FGGY: variants seen among roughly 807,000 people sequenced by gnomAD.
The protein encoded by FGGY is FGGY carbohydrate kinase domain-containing protein.
Under a neutral mutation model 71.3 loss-of-function variants are expected in FGGY, and 72 were observed. That is an observed-to-expected ratio of 1.01 (90% CI 0.84 to 1.23). FGGY has a LOEUF of 1.23. Among genes scored for constraint, FGGY ranks in the 50% most tolerant of loss-of-function variants. FGGY has a pLI of 0.00. For synonymous variants in FGGY, 251 were observed against 250.3 expected, an observed-to-expected ratio of 1.00 and a Z score of -0.02; for missense variants, 668 against 682.3, an observed-to-expected ratio of 0.98 and a Z score of 0.23.
At chr1:59,603,543 A>G (rs142342824) in intron 8 of FGGY, among the ~76,000 whole-genome samples, 6 of 152,358 alleles carry the variant, frequency 3.9e-5, no homozygotes, top group African/African-American at 9.6e-5. Context: ...AATCTTTACA[A>G]AAGTCCCCCA....
intron 7 of FGGY, among the ~76,000 whole-genome samples, chr1:59,553,402 T>C (rs938047524): frequency 6.6e-6 from 1 of 152,196 alleles, no homozygotes; most frequent in Non-Finnish European, 1.5e-5. Context: ...TCTTGTCATA[T>C]TTATAACTTT....
intron 14 of FGGY, among the ~76,000 whole-genome samples, chr1:59,676,256 G>T (rs190749949): frequency 1.1e-3 from 171 of 152,146 alleles, no homozygotes; most frequent in African/African-American, 3.9e-3. Flanking sequence ...TAAGTAATTT[G>T]TCCAAGGCTA....
At chr1:59,712,384 A>G (rs981940141) in intron 14 of FGGY, among the ~76,000 whole-genome samples, 2 of 152,086 alleles carry the variant, frequency 1.3e-5, no homozygotes, top group Non-Finnish European at 2.9e-5. Context: ...CAGTGGATCT[A>G]CCATTCTGGA....
chr1:59,301,875 A>G (rs835368), intron 1 of FGGY, among the ~76,000 whole-genome samples: 60,311 of 147,850 alleles, frequency 0.41, 12,762 homozygotes, highest in East Asian at 0.55. Context: ...CACCACACCC[A>G]GCTGATTTTG....
At chr1:59,445,863 A>G (rs2071114145) in intron 5 of FGGY, among the ~76,000 whole-genome samples, 1 of 152,190 alleles carries the variant, frequency 6.6e-6, no homozygotes, top group Non-Finnish European at 1.5e-5. Flanking sequence ...GTGGGCCTGA[A>G]TAAGCATGTA....
At chr1:59,620,853 A>G (rs2096799928) in intron 9 of FGGY, among the ~76,000 whole-genome samples, 1 of 152,146 alleles carries the variant, frequency 6.6e-6, no homozygotes, top group Non-Finnish European at 1.5e-5. Context: ...TGATATCTAC[A>G]TATGCTATAA....
chr1:59,612,017 G>A (rs1200112006), intron 9 of FGGY, among the ~76,000 whole-genome samples: 6 of 152,176 alleles, frequency 3.9e-5, no homozygotes, highest in South Asian at 2.1e-4. Flanking sequence ...CCAAATCTAC[G>A]TCTGATTAGT....
intron 2 of FGGY, among the ~76,000 whole-genome samples, chr1:59,331,379 C>T (rs2048445363): frequency 1.3e-5 from 2 of 152,170 alleles, no homozygotes; most frequent in African/African-American, 4.8e-5. Context: ...ACAAAATTGA[C>T]TGCCTTCAAG....
At chr1:59,301,482 A>G (rs2042727518) in intron 1 of FGGY, among the ~76,000 whole-genome samples, 1 of 152,162 alleles carries the variant, frequency 6.6e-6, no homozygotes, top group Non-Finnish European at 1.5e-5. Flanking sequence ...ATTGCTTTGC[A>G]TAGAACTGAT....
intron 5 of FGGY, among the ~76,000 whole-genome samples, chr1:59,413,821 C>T (rs915987197): frequency 1.3e-5 from 2 of 152,020 alleles, no homozygotes; most frequent in Non-Finnish European, 2.9e-5. Flanking sequence ...ATTAGCTGGG[C>T]GTGGTGGCAC....
chr1:59,514,013 C>T (rs2094579344), intron 7 of FGGY, among the ~76,000 whole-genome samples: 1 of 152,200 alleles, frequency 6.6e-6, no homozygotes, highest in African/African-American at 2.4e-5. Context: ...TAACGTAGTT[C>T]TGATTACAGG....
intron 14 of FGGY, among the ~76,000 whole-genome samples, chr1:59,720,031 T>C (rs1028705871): frequency 2.6e-5 from 4 of 152,222 alleles, no homozygotes; most frequent in African/African-American, 7.2e-5. Context: ...TGTGATTTCC[T>C]CCTCATTGGT....
At chr1:59,715,254 A>G (rs2097836382) in intron 14 of FGGY, among the ~76,000 whole-genome samples, 1 of 152,170 alleles carries the variant, frequency 6.6e-6, no homozygotes, top group African/African-American at 2.4e-5. Context: ...AAAGCAGCTG[A>G]TCCATTGGTA....
intron 7 of FGGY, among the ~76,000 whole-genome samples, chr1:59,536,164 A>G (rs1286399352): frequency 2.6e-5 from 4 of 151,970 alleles, no homozygotes; most frequent in African/African-American, 7.3e-5. Context: ...CCGATCCCAC[A>G]GAAATACAAA....
chr1:59,371,821 C>T (rs1391499577), intron 4 of FGGY, among the ~76,000 whole-genome samples: 28 of 152,024 alleles, frequency 1.8e-4, no homozygotes, highest in Admixed American at 3.9e-4. Context: ...GGGTACATAA[C>T]GAAATGAAGG....
intron 14 of FGGY, among the ~76,000 whole-genome samples, chr1:59,717,565 AC>A (rs1265835756): frequency 6.6e-6 from 1 of 152,166 alleles, no homozygotes; most frequent in Non-Finnish European, 1.5e-5. Flanking sequence ...TGGGATGAAC[AC>A]CCAGAGCTTG....
chr1:59,632,713 TCA>T (rs1481909808), intron 10 of FGGY, among the ~76,000 whole-genome samples: 2 of 152,228 alleles, frequency 1.3e-5, no homozygotes, highest in African/African-American at 4.8e-5. Context: ...TTGGGAGCTC[TCA>T]AACTTCACTT....
intron 7 of FGGY, among the ~76,000 whole-genome samples, chr1:59,541,051 A>G (rs976805623): frequency 2.0e-5 from 3 of 151,820 alleles, no homozygotes; most frequent in Admixed American, 6.6e-5. Context: ...AGGCTTTTTT[A>G]TTTGTCTGTT....
chr1:59,751,317 C>G (rs2098243423), intron 14 of FGGY, among the ~76,000 whole-genome samples: 1 of 152,148 alleles, frequency 6.6e-6, no homozygotes, highest in African/African-American at 2.4e-5. Flanking sequence ...AGTAAAATGG[C>G]AATGGCAGTG....
Sources: allele counts gnomAD v4.1 joint callset (sites outside exome capture counted in the v4.1 genomes callset), GRCh38; gene constraint gnomAD v4.1.1; transcripts MANE v1.5; gene names NCBI Gene and HGNC (gene_info 2026-07-23, HGNC 2026-07-21).